The following DNAJB12 variants were observed in gnomAD, a reference collection of about 807,000 sequenced individuals.
DNAJB12 encodes the protein DnaJ heat shock protein family (Hsp40) member B12.
A neutral mutation model predicts 40.6 loss-of-function variants in DNAJB12; 14 were observed. The ratio of observed to expected loss-of-function variants is 0.34; its 90% confidence interval spans 0.23 to 0.54. DNAJB12 has a LOEUF of 0.54. Ranked by LOEUF, DNAJB12 falls within the 20% of genes least tolerant of loss-of-function variation. DNAJB12 has a pLI of 0.92. For synonymous variants in DNAJB12, 181 were observed against 199.5 expected (o/e 0.91, Z 0.78); for missense variants, 444 against 501.7 (o/e 0.89, Z 1.10).
intron 1 of DNAJB12, among the ~76,000 whole-genome samples, chr10:72,350,048 G>A (rs1271422591): frequency 2.6e-5 from 4 of 152,094 alleles, no homozygotes; most frequent in Non-Finnish European, 5.9e-5. Flanking sequence ...AGCTGCGGTG[G>A]AGAGGCACCT....
chr10:72,348,940 A>T (rs1861867801), intron 1 of DNAJB12, among the ~76,000 whole-genome samples: 1 of 152,156 alleles, frequency 6.6e-6, no homozygotes, highest in Non-Finnish European at 1.5e-5. Context: ...TGCTGCCATG[A>T]CCACACAGCT....
In DNAJB12 at chr10:72,345,111, G is replaced by A. The variant is rs750859626; in HGVS notation, c.150C>T (p.Leu50=). ...CACCGGCAGTCTGTGGTTTCTGGTT[G>A]AGGGACTCAATCAGGGCTGTGCAAG... ...TPRVRALIES[L]NQKPQTAGDQ... The change falls in exon 2 of 9, where the codon CTC becomes CTT. Residue 50 remains leucine, a synonymous_variant. Transcript: ENST00000444643. 5 of 1,612,472 alleles carry A rather than the reference G, an allele frequency of 3.1e-6. No individual in the cohort carries two copies. In the East Asian group the frequency reaches 6.7e-5, roughly 22 times the overall value.
At chr10:72,343,148 G>C (rs1422214522) in intron 3 of DNAJB12, among the ~76,000 whole-genome samples, 1 of 152,228 alleles carries the variant, frequency 6.6e-6, no homozygotes, top group Admixed American at 6.5e-5. Flanking sequence ...GGAAGCAGGG[G>C]CAGGAATGGT....
At chr10:72,336,333 C>A (rs1200019176) in intron 7 of DNAJB12, among the ~76,000 whole-genome samples, 191 bp downstream of exon 7, 1 of 152,204 alleles carries the variant, frequency 6.6e-6, no homozygotes, top group Non-Finnish European at 1.5e-5. Context: ...TACCAGGTGG[C>A]CCCTGGCTCC....
intron 1 of DNAJB12, among the ~76,000 whole-genome samples, chr10:72,347,133 G>A (rs1298373300): frequency 6.6e-6 from 1 of 151,870 alleles, no homozygotes; most frequent in African/African-American, 2.4e-5. Flanking sequence ...CCGGCTAATT[G>A]TATTTTTAAT....
Position 72,335,126 on chromosome 10 carries a change from T to A in DNAJB12, c.*31-509A>T, listed in dbSNP as rs1295059592. The A allele has an allele frequency of 5.1e-6, 5 of 989,166 alleles. No individual in the cohort carries two copies. Among genetic ancestry groups the A allele is most frequent in the Non-Finnish European group, 6.0e-6 (5 of 832,018 alleles). 61.3% of individuals were successfully genotyped at this position (989,166 alleles called of 1,614,324 possible). ...CTGGGCAAGGCCGGATGCCTGTGGCTTCCAGGCTGCCAGGTGTGACGGCAT... is the reference window on the plus strand; with the variant it reads ...CTGGGCAAGGCCGGATGCCTGTGGCATCCAGGCTGCCAGGTGTGACGGCAT... On this transcript the variant is annotated intron_variant, in intron 8 of 8. Coordinates refer to ENST00000444643, the MANE Select transcript of DNAJB12 (RefSeq NM_017626.7). The surrounding 1 kb of genome is among the most constrained non-coding windows in gnomAD (Gnocchi z 4.4).
chr10:72,344,536 C>G (rs1861728582), intron 2 of DNAJB12, among the ~76,000 whole-genome samples: 1 of 152,242 alleles, frequency 6.6e-6, no homozygotes, highest in Non-Finnish European at 1.5e-5. Flanking sequence ...CTCCATTCTA[C>G]CCCACACAGG....
intron 2 of DNAJB12, among the ~76,000 whole-genome samples, chr10:72,344,447 T>C (rs1363786763): frequency 6.6e-6 from 1 of 152,204 alleles, no homozygotes; most frequent in East Asian, 1.9e-4. Flanking sequence ...GAGCCTTGGC[T>C]GGGTGGTCTC....
rs1271538482 is a variant in DNAJB12 at position 72,335,600 on chromosome 10, G to A, written c.*30+180C>T. On this transcript the variant is annotated intron_variant, in intron 8 of 8. Coordinates refer to ENST00000444643, the MANE Select transcript of DNAJB12 (RefSeq NM_017626.7). The surrounding 1 kb of genome is among the most constrained non-coding windows in gnomAD (Gnocchi z 4.4). ...ACAGCATCGCTAGAGGGCGGAAACC[G>A]ACCTTGGTTTCCCAGCAGGCCCCAC... The A allele has an allele frequency of 2.3e-5, 32 of 1,388,238 alleles. No individual in the cohort carries two copies. Among genetic ancestry groups the A allele is most frequent in the Middle Eastern group, 2.7e-4 (1 of 3,678 alleles). The allele number at this position is 1,388,238 out of a possible 1,614,324, so 86.0% of individuals were successfully genotyped here.
At chr10:72,348,642 C>T (rs940903148) in intron 1 of DNAJB12, among the ~76,000 whole-genome samples, 7 of 152,342 alleles carry the variant, frequency 4.6e-5, no homozygotes, top group Admixed American at 2.6e-4. Context: ...CCACTGCTGC[C>T]GCACTCCGAG....
In DNAJB12 at chr10:72,335,792, G is replaced by A; in HGVS notation, c.*18C>T. The A allele has an allele frequency of 6.2e-7, 1 of 1,613,418 alleles. No individual in the cohort carries two copies. Among genetic ancestry groups the A allele is most frequent in the Non-Finnish European group, 8.5e-7 (1 of 1,179,606 alleles). On this transcript the variant is annotated 3_prime_UTR_variant, in exon 8 of 9. Coordinates refer to ENST00000444643, the MANE Select transcript of DNAJB12 (RefSeq NM_017626.7). The surrounding 1 kb of genome is among the most constrained non-coding windows in gnomAD (Gnocchi z 4.4). ...CCCTGGCTCATACTTGGACCTCGGTGGTGTGGCTGGCCCAGGACTATCCAT... is the reference window on the plus strand; with the variant it reads ...CCCTGGCTCATACTTGGACCTCGGTAGTGTGGCTGGCCCAGGACTATCCAT...
At chr10:72,341,939 C>T (rs1280244337) in intron 3 of DNAJB12, among the ~76,000 whole-genome samples, 1 of 152,178 alleles carries the variant, frequency 6.6e-6, no homozygotes, top group Non-Finnish European at 1.5e-5. Context: ...TTTATGAAAA[C>T]CACCAAAAAC....
rs1861359795 is a variant in DNAJB12, at chr10:72,333,042, A to G, written c.*1606T>C. 2 of 152,532 alleles carry G rather than the reference A, an allele frequency of 1.3e-5. No homozygotes were observed. Among genetic ancestry groups the G allele is most frequent in the Admixed American group, 1.3e-4 (2 of 15,264 alleles). The allele number at this position is 152,532 out of a possible 1,614,324, so 9.4% of individuals were successfully genotyped here. ...CACTCTGGCCACATCAGTTCTTATA[A>G]TCTCTCTGGGCTGAAGTGGCTGCTT... On this transcript the variant is annotated 3_prime_UTR_variant, in exon 9 of 9. Coordinates refer to ENST00000444643, the MANE Select transcript of DNAJB12 (RefSeq NM_017626.7).
Position 72,345,137 on chromosome 10 carries a change from GCAAGGAAA to G in DNAJB12, c.134-18_134-11del. ...AGGGACTCAATCAGGGCTGTGCAAG[GCAAGGAAA>G]CCATTCAGAGCTCCTGCTCAAGCAG... is the stretch of plus-strand genomic sequence containing the variant. On this transcript the variant is annotated splice_polypyrimidine_tract_variant and intron_variant, in intron 1 of 8. Transcript: ENST00000444643. 6.3e-7 allele frequency: 1 copy of G among 1,593,882 alleles called. No homozygotes were observed.
At chr10:72,336,389 G>C (rs1861474476) in intron 7 of DNAJB12, 135 bp downstream of exon 7, 2 of 933,540 alleles carry the variant, frequency 2.1e-6, no homozygotes, top group Non-Finnish European at 1.6e-6. Flanking sequence ...TTGTCTGGGA[G>C]GTGGCTGGTG....
At chr10:72,341,284 A>G (rs946853153) in intron 3 of DNAJB12, 114 bp from the exon 4 acceptor site, 3 of 1,046,540 alleles carry the variant, frequency 2.9e-6, no homozygotes, top group Non-Finnish European at 4.1e-6. Flanking sequence ...TAGGAAGCAG[A>G]CGTCCTTGGG....
In DNAJB12 at chr10:72,354,852, G is replaced by A. The variant is rs757059241; in HGVS notation, c.46C>T (p.Leu16Phe). 10 of 1,614,130 alleles carry A rather than the reference G, an allele frequency of 6.2e-6. No individual in the cohort carries two copies. In the Admixed American group the frequency reaches 8.3e-5, roughly 13 times the overall value. Residue 16 changes from leucine to phenylalanine, a missense_variant, in exon 1 of 9, where the codon CTC becomes TTC. Transcript: ENST00000444643. ...GGCTGGTTGCTCTGGATGGCCTTGAGGGCGATGCTGATACAGCGCTCAGCT... is the reference window on the plus strand; with the variant it reads ...GGCTGGTTGCTCTGGATGGCCTTGAAGGCGATGCTGATACAGCGCTCAGCT... ...DEAERCISIA[L>F]KAIQSNQPDR...
At chr10:72,349,247 CAG>C (rs1250582423) in intron 1 of DNAJB12, among the ~76,000 whole-genome samples, 1 of 151,856 alleles carries the variant, frequency 6.6e-6, no homozygotes, top group Non-Finnish European at 1.5e-5. Context: ...CCGAGTCTGA[CAG>C]AGAGTGAAGG....
Position 72,354,903 on chromosome 10 carries a change from A to C in DNAJB12, c.-6T>G. ...TCATCCTTGTTGGATTCCATGGCGG[A>C]ACCAGAACGCGGAACCAGGGAGGGG... On this transcript the variant is annotated 5_prime_UTR_variant, in exon 1 of 9. Transcript: ENST00000444643. 8.1e-6 allele frequency: 13 copies of C among 1,613,860 alleles called. No homozygotes were observed. The highest frequency in any genetic ancestry group is 1.1e-5 in the Non-Finnish European group (13 of 1,179,864).
Sources: allele counts gnomAD v4.1 joint callset (sites outside exome capture counted in the v4.1 genomes callset), GRCh38; gene constraint gnomAD v4.1.1; non-coding constraint Gnocchi (gnomAD v3.1); transcripts MANE v1.5; gene names NCBI Gene and HGNC (gene_info 2026-07-23, HGNC 2026-07-21).